The following RALGPS1 variants were observed in gnomAD, a reference collection of about 807,000 sequenced individuals.
RALGPS1 encodes the protein ras-specific guanine nucleotide-releasing factor RalGPS1.
RALGPS1 carries 19 observed loss-of-function variants against 78.8 expected under a neutral mutation model. The ratio of observed to expected loss-of-function variants is 0.24; its 90% CI spans 0.17 to 0.35. The LOEUF is 0.35. Among genes scored for constraint, RALGPS1 ranks in the 10% least tolerant of loss-of-function variants. The pLI is 1.00. For synonymous variants in RALGPS1, 228 were observed against 256.3 expected, an observed-to-expected ratio of 0.89 and a Z score of 1.06; for missense variants, 454 against 688.3, an observed-to-expected ratio of 0.66 and a Z score of 3.81.
intron 14 of RALGPS1, among the ~76,000 whole-genome samples, chr9:127,204,092 AGCCCTGTGAT>A (rs1337262231): frequency 1.3e-5 from 2 of 152,216 alleles, no homozygotes; most frequent in African/African-American, 2.4e-5. Flanking sequence ...TCCATTCCTC[AGCCCTGTGAT>A]GAGGCTAGGC....
intron 4 of RALGPS1, among the ~76,000 whole-genome samples, chr9:126,988,240 AG>A (rs2041979902): frequency 6.6e-6 from 1 of 152,142 alleles, no homozygotes. Flanking sequence ...TGGCCATACA[AG>A]GCCTGGCATC....
intron 8 of RALGPS1, among the ~76,000 whole-genome samples, chr9:127,155,751 A>G (rs16929634): frequency 0.086 from 13,042 of 152,204 alleles, 1,864 homozygotes; most frequent in African/African-American, 0.3. Context: ...GATTGGAGTC[A>G]GTGTCTGTGG....
intron 4 of RALGPS1, among the ~76,000 whole-genome samples, chr9:127,023,589 C>T (rs2045673650): frequency 6.6e-6 from 1 of 152,172 alleles, no homozygotes; most frequent in South Asian, 2.1e-4. Flanking sequence ...CAGCCATGAG[C>T]TTTTCTGACT....
intron 1 of RALGPS1, among the ~76,000 whole-genome samples, chr9:126,916,015 C>G (rs984358170): frequency 6.6e-6 from 1 of 152,104 alleles, no homozygotes; most frequent in Non-Finnish European, 1.5e-5. Flanking sequence ...TCACCTGTTT[C>G]CTCCGTTGCA....
intron 4 of RALGPS1, among the ~76,000 whole-genome samples, chr9:127,031,674 G>A (rs778426141): frequency 2.0e-5 from 3 of 152,228 alleles, no homozygotes; most frequent in Non-Finnish European, 2.9e-5. Flanking sequence ...GTGACATGGT[G>A]TGGGATTCAG....
At chr9:127,097,537 G>A (rs924452730) in intron 8 of RALGPS1, among the ~76,000 whole-genome samples, 1 of 152,208 alleles carries the variant, frequency 6.6e-6, no homozygotes, top group African/African-American at 2.4e-5. Flanking sequence ...AAAGGCACCA[G>A]TGGCAAAGGT....
intron 10 of RALGPS1, among the ~76,000 whole-genome samples, chr9:127,173,784 G>A (rs550349931): frequency 9.2e-5 from 14 of 152,210 alleles, no homozygotes; most frequent in East Asian, 1.9e-4. Flanking sequence ...AGGCCAAAGC[G>A]GGCTGGTCAC....
intron 2 of RALGPS1, among the ~76,000 whole-genome samples, chr9:126,964,810 A>G (rs146156857): frequency 9.9e-5 from 15 of 152,246 alleles, no homozygotes; most frequent in African/African-American, 3.6e-4. Context: ...GCCTAAAAGC[A>G]CTCTAGTTTT....
intron 13 of RALGPS1, among the ~76,000 whole-genome samples, chr9:127,197,619 G>A (rs1032306289): frequency 6.6e-5 from 10 of 152,132 alleles, no homozygotes; most frequent in Admixed American, 1.3e-4. Flanking sequence ...TGTCTCCCAC[G>A]CCCTGGAAGT....
rs1369086164 is a variant in RALGPS1 at position 127,212,530 on chromosome 9, C to T, written c.1354-97C>T. ...AGGGCCAGGGAAGAGATGGGGCCTG[C>T]ACTGGCATTGATGGGATGGCTGGGT... On this transcript the variant is annotated intron_variant, in intron 15 of 18. Transcript: ENST00000259351. The surrounding 1 kb of genome is among the most constrained non-coding windows in gnomAD (Gnocchi z 6.0). 3 of 856,180 alleles carry T rather than the reference C, an allele frequency of 3.5e-6. No homozygotes were observed. The highest frequency in any genetic ancestry group is 5.4e-6 in the Non-Finnish European group (3 of 551,326). The allele number at this position is 856,180 out of a possible 1,614,324, so 53.0% of individuals were successfully genotyped here. A position where few individuals can be genotyped will look rare whatever the true frequency, so the allele number is the denominator to read the frequency against.
At chr9:127,045,229 T>G (rs1051712252) in intron 5 of RALGPS1, among the ~76,000 whole-genome samples, 18 of 152,232 alleles carry the variant, frequency 1.2e-4, no homozygotes, top group Non-Finnish European at 2.5e-4. Context: ...GTGTAACACT[T>G]TGTTACATTT....
At chr9:126,920,684 A>G (rs2034662266) in intron 1 of RALGPS1, among the ~76,000 whole-genome samples, 1 of 152,174 alleles carries the variant, frequency 6.6e-6, no homozygotes, top group Non-Finnish European at 1.5e-5. Flanking sequence ...TCAGGTGGGC[A>G]TTCATTAACC....
At chr9:126,986,909 G>T (rs924236621) in intron 4 of RALGPS1, among the ~76,000 whole-genome samples, 21 of 152,284 alleles carry the variant, frequency 1.4e-4, no homozygotes, top group African/African-American at 5.1e-4. Flanking sequence ...TAAAGTTGGC[G>T]GGGGGTGGAA....
chr9:127,182,416 TCCTC>T (rs1440083302), intron 11 of RALGPS1, among the ~76,000 whole-genome samples: 47 of 126,218 alleles, frequency 3.7e-4, no homozygotes, highest in African/African-American at 1.2e-3. Flanking sequence ...CTCCCTTCCT[TCCTC>T]CCTTCCTTCC....
intron 5 of RALGPS1, among the ~76,000 whole-genome samples, chr9:127,034,970 G>A (rs1036756708): frequency 6.6e-6 from 1 of 152,094 alleles, no homozygotes; most frequent in African/African-American, 2.4e-5. Context: ...CAGCCTAAAT[G>A]TCATTTCTTT....
chr9:127,066,696 T>C (rs922659268), intron 7 of RALGPS1, among the ~76,000 whole-genome samples: 4 of 152,290 alleles, frequency 2.6e-5, no homozygotes, highest in Non-Finnish European at 5.9e-5. Flanking sequence ...AGGTATGTGG[T>C]TCTGGTCTGA....
Position 127,196,643 on chromosome 9 carries a change from C to T in RALGPS1, c.1195+12C>T, listed in dbSNP as rs201685185. The T allele has an allele frequency of 4.3e-5, 67 of 1,576,100 alleles. No homozygotes were observed. Among genetic ancestry groups the T allele is most frequent in the South Asian group, 6.9e-5 (6 of 86,654 alleles). On this transcript the variant is annotated intron_variant, in intron 13 of 18. Transcript: ENST00000259351. ...TGGACTCTCCCTAGGTAAGCGTCTC[C>T]GGCCTGCACATGATAGGCTGGTGGG... is the stretch of plus-strand genomic sequence containing the variant.
chr9:127,192,340 C>T (rs531870035), intron 11 of RALGPS1, among the ~76,000 whole-genome samples: 103 of 152,320 alleles, frequency 6.8e-4, no homozygotes, highest in Non-Finnish European at 1.1e-3. Context: ...CCAGGCCAGG[C>T]GACTGGGCAA....
intron 18 of RALGPS1, among the ~76,000 whole-genome samples, chr9:127,215,301 G>A (rs1245002874): frequency 2.6e-5 from 4 of 152,184 alleles, no homozygotes; most frequent in Admixed American, 1.3e-4. Context: ...CTGGTGAAAG[G>A]GGGTCCCTAG....
Sources: allele counts gnomAD v4.1 joint callset (sites outside exome capture counted in the v4.1 genomes callset), GRCh38; gene constraint gnomAD v4.1.1; non-coding constraint Gnocchi (gnomAD v3.1); transcripts MANE v1.5; gene names NCBI Gene and HGNC (gene_info 2026-07-23, HGNC 2026-07-21).